Variants in NRG3 observed in about 807,000 individuals in gnomAD.
NRG3 encodes the protein pro-neuregulin-3, membrane-bound isoform.
In NRG3, 31 loss-of-function variants were observed where a neutral mutation model predicts 66.9. The observed-to-expected ratio is 0.46, with a 90% confidence interval of 0.35 to 0.63. NRG3 has a LOEUF of 0.63. Among genes scored for constraint, NRG3 ranks in the 20% least tolerant of loss-of-function variants. The probability of loss-of-function intolerance (pLI) is 0.00; values close to 1 mark genes in which losing one functional copy is unlikely to be tolerated. For synonymous variants in NRG3, 393 were observed against 359.4 expected, an observed-to-expected ratio of 1.09 and a Z score of -1.06; for missense variants, 910 against 878.9, an observed-to-expected ratio of 1.04 and a Z score of -0.45.
chr10:82,793,650 A>G (rs2060681217), intron 3 of NRG3, among the ~76,000 whole-genome samples: 1 of 152,154 alleles, frequency 6.6e-6, no homozygotes, highest in African/African-American at 2.4e-5. Flanking sequence ...ACGAAGTTTC[A>G]TTTCTCACTA....
chr10:82,849,913 G>A (rs2063484127), intron 3 of NRG3, among the ~76,000 whole-genome samples: 1 of 152,092 alleles, frequency 6.6e-6, no homozygotes, highest in African/African-American at 2.4e-5. Context: ...GGGATAGTGT[G>A]ATCTGATTTA....
chr10:82,849,937 T>A (rs900351926), intron 3 of NRG3, among the ~76,000 whole-genome samples: 20 of 151,992 alleles, frequency 1.3e-4, no homozygotes, highest in African/African-American at 4.6e-4. Context: ...TTTAAAGGGA[T>A]CTCTCTGGGC....
chr10:81,877,741 T>G (rs1254531904), intron 1 of NRG3: 7 of 1,366,276 alleles, frequency 5.1e-6, no homozygotes, highest in Non-Finnish European at 6.6e-6. Flanking sequence ...GTAGAGCCAG[T>G]AACTTGCTGC....
chr10:82,016,152 G>A (rs904477943), intron 1 of NRG3, among the ~76,000 whole-genome samples: 1 of 151,930 alleles, frequency 6.6e-6, no homozygotes, highest in Non-Finnish European at 1.5e-5. Context: ...GCAGTGAACT[G>A]AGGAAGCTTA....
At position 82,087,332 on chromosome 10, in the gene NRG3, A is replaced by T. The variant is rs1475325066; in HGVS notation, c.823+211169A>T. On this transcript the variant is annotated intron_variant, in intron 1 of 8. Transcript: ENST00000372141. ...AGGTTAGCTATCTGCCTGCCCTGCA[A>T]AGCCCGCCTCTTTTGTGAAGCTTTT... 3.3e-5 allele frequency among the ~76,000 whole-genome samples: 5 copies of T among 152,064 alleles called. No homozygotes were observed. In the East Asian group the frequency reaches 9.7e-4, roughly 29 times the overall value.
chr10:82,048,892 A>G (rs1018942983), intron 1 of NRG3, among the ~76,000 whole-genome samples: 4 of 151,986 alleles, frequency 2.6e-5, no homozygotes, highest in Non-Finnish European at 5.9e-5. Flanking sequence ...AATCAAATAG[A>G]TGCAATAAAA....
rs536376283 is a variant in NRG3, at chr10:82,796,787, G to A, written c.1027+58137G>A. The stretch of plus-strand genomic sequence containing the variant: ...AAGAAGAAAAGAGGAGAAAGATGAG[G>A]AGGAGGAGGAAGAGAGGAGAGGAAT... On this transcript the variant is annotated intron_variant, in intron 3 of 8. Coordinates refer to ENST00000372141, the MANE Select transcript of NRG3 (RefSeq NM_001010848.4). Among the ~76,000 whole-genome samples, 6 of 152,196 alleles carry A rather than the reference G, an allele frequency of 3.9e-5. No individual in the cohort carries two copies. The South Asian group carries it at 1.2e-3, about 32-fold the overall frequency.
intron 2 of NRG3, among the ~76,000 whole-genome samples, chr10:82,518,651 A>C (rs1223417407): frequency 1.3e-5 from 2 of 152,176 alleles, no homozygotes; most frequent in Non-Finnish European, 2.9e-5. Context: ...GAAGCAGTTA[A>C]CATAACTCAT....
At chr10:82,758,859 A>T (rs1026235098) in intron 3 of NRG3, among the ~76,000 whole-genome samples, 2 of 151,994 alleles carry the variant, frequency 1.3e-5, no homozygotes, top group African/African-American at 4.8e-5. Flanking sequence ...TCTTGGCAAA[A>T]GGCTGGCTCA....
At chr10:82,408,907 G>A (rs2087829923) in intron 2 of NRG3, among the ~76,000 whole-genome samples, 1 of 151,846 alleles carries the variant, frequency 6.6e-6, no homozygotes. Flanking sequence ...AACATGATGA[G>A]GAAACTTTTC....
At chr10:82,261,179 G>T (rs2078008274) in intron 1 of NRG3, among the ~76,000 whole-genome samples, 1 of 152,148 alleles carries the variant, frequency 6.6e-6, no homozygotes, top group Non-Finnish European at 1.5e-5. Context: ...CCAGCTGGAG[G>T]TAATTGAATC....
chr10:82,233,311 C>G (rs1220072889), intron 1 of NRG3, among the ~76,000 whole-genome samples: 1 of 151,988 alleles, frequency 6.6e-6, no homozygotes, highest in Non-Finnish European at 1.5e-5. Context: ...CTTGCAGTGA[C>G]CCAAGATGGC....
rs73307829 is a variant in NRG3, at chr10:82,490,013, A to T, written c.953+131145A>T. ...ACAGAGAAGATGAATGATTTCTCTG[A>T]GGTCATAAAACTATTAAGTGCCAGA... On this transcript the variant is annotated intron_variant, in intron 2 of 8. Coordinates refer to ENST00000372141, the MANE Select transcript of NRG3 (RefSeq NM_001010848.4). Among the ~76,000 whole-genome samples the T allele has an allele frequency of 3.7e-3, 563 of 152,276 alleles. 3 individuals carry two copies. The highest frequency in any genetic ancestry group is 0.013 in the African/African-American group (544 of 41,554).
chr10:82,917,345 T>C (rs996339136), intron 4 of NRG3, among the ~76,000 whole-genome samples: 1 of 152,176 alleles, frequency 6.6e-6, no homozygotes, highest in African/African-American at 2.4e-5. Flanking sequence ...CCAGTGGCTA[T>C]GAAAAAGCCT....
At chr10:82,348,618 T>A (rs1437688827) in intron 1 of NRG3, among the ~76,000 whole-genome samples, 2 of 146,998 alleles carry the variant, frequency 1.4e-5, no homozygotes, top group Non-Finnish European at 3.0e-5. Context: ...TTGGCCTGCC[T>A]TGCTAGATTG....
At chr10:82,321,077 A>C (rs766276671) in intron 1 of NRG3, among the ~76,000 whole-genome samples, 2 of 152,228 alleles carry the variant, frequency 1.3e-5, no homozygotes, top group Non-Finnish European at 2.9e-5. Context: ...GCTGGTTAAC[A>C]CTTAAGCTGT....
At position 81,915,575 on chromosome 10, in the gene NRG3, T is replaced by C. The variant is rs560722996; in HGVS notation, c.823+39412T>C. Among the ~76,000 whole-genome samples, 5 of 149,378 alleles carry C rather than the reference T, an allele frequency of 3.3e-5. No homozygotes were observed. In the South Asian group the frequency reaches 1.1e-3, roughly 32 times the overall value. On this transcript the variant is annotated intron_variant, in intron 1 of 8. Coordinates refer to ENST00000372141, the MANE Select transcript of NRG3 (RefSeq NM_001010848.4). ...TTGGTGCTCAGCTACAGAAGTTTCTTGAATCCACAAGTAATAAGGAGCTAT... is the reference window on the plus strand; with the variant it reads ...TTGGTGCTCAGCTACAGAAGTTTCTCGAATCCACAAGTAATAAGGAGCTAT...
chr10:82,115,432 T>C (rs763957194), intron 1 of NRG3, among the ~76,000 whole-genome samples: 1 of 152,104 alleles, frequency 6.6e-6, no homozygotes, highest in African/African-American at 2.4e-5. Context: ...CTCCAATAAC[T>C]CTTAGTTTTA....
chr10:82,822,432 C>T (rs1273851452), intron 3 of NRG3, among the ~76,000 whole-genome samples: 3 of 152,110 alleles, frequency 2.0e-5, no homozygotes, highest in Non-Finnish European at 4.4e-5. Flanking sequence ...AGAACTGCCA[C>T]AAAGGTCTTA....
Sources: allele counts gnomAD v4.1 joint callset (sites outside exome capture counted in the v4.1 genomes callset), GRCh38; gene constraint gnomAD v4.1.1; transcripts MANE v1.5; gene names NCBI Gene and HGNC (gene_info 2026-07-23, HGNC 2026-07-21).